XKR4: variants seen among roughly 807,000 people sequenced by gnomAD.
XKR4 encodes XK-related protein 4.
In XKR4, 12 loss-of-function variants were observed where a neutral mutation model predicts 53.9. The observed-to-expected ratio is 0.22, with a 90% CI of 0.14 to 0.36. The LOEUF (loss-of-function observed/expected upper bound fraction) is 0.36. Ranked by LOEUF, XKR4 falls within the 10% of genes least tolerant of loss-of-function variation. The pLI is 1.00. For synonymous variants in XKR4, 354 were observed against 362.4 expected, an observed-to-expected ratio of 0.98 and a Z score of 0.26; for missense variants, 799 against 859.5, an observed-to-expected ratio of 0.93 and a Z score of 0.88.
intron 2 of XKR4, chr8:55,452,262 T>G (rs1805460998): frequency 1.5e-6 from 1 of 646,632 alleles, no homozygotes; most frequent in East Asian, 3.0e-5. Context: ...CTGCAATAGC[T>G]GATCCAAAGG....
intron 2 of XKR4, among the ~76,000 whole-genome samples, chr8:55,456,666 A>C (rs1805574678): frequency 6.6e-6 from 1 of 152,254 alleles, no homozygotes; most frequent in Admixed American, 6.5e-5. Context: ...TATCAACAGC[A>C]AATTTGAGAT....
chr8:55,518,374 C>T (rs897035183), intron 2 of XKR4, among the ~76,000 whole-genome samples: 4 of 152,000 alleles, frequency 2.6e-5, no homozygotes, highest in Non-Finnish European at 5.9e-5. Context: ...TTCTTTTTTT[C>T]CTTCCGTCCT....
In XKR4 at chr8:55,198,111, C is replaced by T. The variant is rs141023308; in HGVS notation, c.806+94817C>T. On this transcript the variant is annotated intron_variant, in intron 1 of 2. Transcript: ENST00000327381. ...ATGAAGCGCAGGAACATCTCTATCACGGCTGCCATTGATTCCAATTTGGCA... is the reference window on the plus strand; with the variant it reads ...ATGAAGCGCAGGAACATCTCTATCATGGCTGCCATTGATTCCAATTTGGCA... Among the ~76,000 whole-genome samples the T allele has an allele frequency of 7.3e-3, 1,113 of 152,316 alleles. 9 individuals are homozygous for T. Among genetic ancestry groups the T allele is most frequent in the African/African-American group, 0.024 (1,008 of 41,552 alleles).
intron 1 of XKR4, among the ~76,000 whole-genome samples, chr8:55,260,180 C>T (rs1818503113): frequency 6.6e-6 from 1 of 152,140 alleles, no homozygotes; most frequent in Non-Finnish European, 1.5e-5. Context: ...CAAATGAATC[C>T]CTATTCTTTC....
intron 1 of XKR4, among the ~76,000 whole-genome samples, chr8:55,212,172 A>G (rs1388616852): frequency 2.0e-5 from 3 of 151,746 alleles, no homozygotes; most frequent in African/African-American, 7.3e-5. Context: ...TATTATGCAG[A>G]TGAAGCCTCC....
chr8:55,163,584 A>G (rs1333649524), intron 1 of XKR4, among the ~76,000 whole-genome samples: 1 of 152,198 alleles, frequency 6.6e-6, no homozygotes, highest in Non-Finnish European at 1.5e-5. Flanking sequence ...GGTGGCTCAC[A>G]CCTGTAATCC....
Position 55,514,445 on chromosome 8 carries a change from C to A in XKR4, c.1007-8836C>A, listed in dbSNP as rs138143919. ...CTAATTTTTGTATTTTTAATAGAGA[C>A]GGGGTTTCACCACGTTGGCCAGACT... On this transcript the variant is annotated intron_variant, in intron 2 of 2. Transcript: ENST00000327381. 4.1e-3 allele frequency among the ~76,000 whole-genome samples: 629 copies of A among 151,978 alleles called. 4 individuals are homozygous for A. Among genetic ancestry groups the A allele is most frequent in the African/African-American group, 0.014 (576 of 41,448 alleles).
At chr8:55,174,791 T>A (rs1817209711) in intron 1 of XKR4, among the ~76,000 whole-genome samples, 1 of 152,128 alleles carries the variant, frequency 6.6e-6, no homozygotes, top group Non-Finnish European at 1.5e-5. Flanking sequence ...GGTTTGTCAT[T>A]CAAGAGGCTT....
At chr8:55,430,708 G>A (rs558964229) in intron 2 of XKR4, among the ~76,000 whole-genome samples, 141 of 152,262 alleles carry the variant, frequency 9.3e-4, no homozygotes, top group African/African-American at 3.2e-3. Flanking sequence ...ATATCTCACT[G>A]TTCTGGAGTG....
intron 2 of XKR4, chr8:55,517,098 T>C (rs1186895110): frequency 6.6e-6 from 1 of 151,204 alleles, no homozygotes; most frequent in African/African-American, 2.4e-5. Context: ...ACATATGGAG[T>C]GGAATAATAG....
chr8:55,433,831 G>C (rs891439650), intron 2 of XKR4, among the ~76,000 whole-genome samples: 1 of 152,048 alleles, frequency 6.6e-6, no homozygotes, highest in African/African-American at 2.4e-5. Flanking sequence ...TTTGAGACCA[G>C]GCTGGACAAC....
intron 2 of XKR4, among the ~76,000 whole-genome samples, chr8:55,436,975 T>A (rs917570955): frequency 6.6e-6 from 1 of 152,214 alleles, no homozygotes; most frequent in Non-Finnish European, 1.5e-5. Context: ...CCGATCGAGT[T>A]TTCTAAACAA....
chr8:55,353,587 T>A (rs1411231412), intron 1 of XKR4, among the ~76,000 whole-genome samples: 1 of 152,220 alleles, frequency 6.6e-6, no homozygotes, highest in Admixed American at 6.5e-5. Flanking sequence ...CCACAGTCTG[T>A]CACACTCTGT....
At chr8:55,445,739 C>A (rs545658348) in intron 2 of XKR4, among the ~76,000 whole-genome samples, 7 of 152,112 alleles carry the variant, frequency 4.6e-5, no homozygotes, top group Non-Finnish European at 7.4e-5. Flanking sequence ...ACAATCTGTC[C>A]CTCCTCCGCC....
At chr8:55,445,333 A>G (rs552248114) in intron 2 of XKR4, among the ~76,000 whole-genome samples, 1 of 152,312 alleles carries the variant, frequency 6.6e-6, no homozygotes, top group South Asian at 2.1e-4. Flanking sequence ...CTGGGATTAC[A>G]GGTGTGAGCC....
At chr8:55,236,383 A>G (rs1243921549) in intron 1 of XKR4, among the ~76,000 whole-genome samples, 1 of 152,158 alleles carries the variant, frequency 6.6e-6, no homozygotes, top group African/African-American at 2.4e-5. Flanking sequence ...GGAGCATTTC[A>G]TGCCTCAGAG....
chr8:55,311,829 C>CAAAAAAAAAAAAAAAAAAA (rs57826022), intron 1 of XKR4, among the ~76,000 whole-genome samples: 16 of 98,562 alleles, frequency 1.6e-4, no homozygotes, highest in African/African-American at 4.6e-4. Flanking sequence ...TGTAATTTAG[C>CAAAAAAAAAAAAAAAAAAA]AAAAAAAAAA....
At chr8:55,490,210 C>T (rs146692454) in intron 2 of XKR4, among the ~76,000 whole-genome samples, 10 of 152,106 alleles carry the variant, frequency 6.6e-5, no homozygotes, top group South Asian at 6.2e-4. Flanking sequence ...AAAGAATATG[C>T]GGTACCTATA....
chr8:55,453,627 G>T, intron 2 of XKR4: 1 of 420,952 alleles, frequency 2.4e-6, no homozygotes, highest in East Asian at 5.9e-5. Flanking sequence ...GCCTCAGCCT[G>T]GTCCACGATC....
Sources: gnomAD v4.1 joint callset for allele counts (sites outside exome capture counted in the v4.1 genomes callset) on GRCh38, gnomAD v4.1.1 for gene constraint, MANE v1.5 for transcripts, NCBI Gene and HGNC (gene_info 2026-07-23, HGNC 2026-07-21) for gene names.